TDRD12: variants seen among roughly 807,000 people sequenced by gnomAD.
The protein encoded by TDRD12 is putative ATP-dependent RNA helicase TDRD12.
A neutral mutation model predicts 133.5 loss-of-function variants in TDRD12; 158 were observed. That is an observed-to-expected ratio of 1.18 (90% CI 1.04 to 1.35). The LOEUF (loss-of-function observed/expected upper bound fraction) is 1.35. TDRD12 is among the 40% of genes most tolerant of loss of function. TDRD12 has a pLI of 0.00. For synonymous variants in TDRD12, 460 were observed against 477.9 expected (o/e 0.96, Z 0.49); for missense variants, 1,443 against 1,321.3 (o/e 1.09, Z -1.43).
chr19:32,790,876 A>T, intron 12 of TDRD12, 88 bp from the exon 13 acceptor site: 1 of 1,479,092 alleles, frequency 6.8e-7, no homozygotes, highest in Non-Finnish European at 8.9e-7. Flanking sequence ...ATTGAAATCT[A>T]TATTTTCTTC....
chr19:32,738,408 C>T (rs563287438), intron 2 of TDRD12, among the ~76,000 whole-genome samples: 7 of 152,276 alleles, frequency 4.6e-5, no homozygotes, highest in South Asian at 2.1e-4. Flanking sequence ...TGGGTAGGCC[C>T]GGCCTCCTGG....
Position 32,776,585 on chromosome 19 carries a change from G to GA in TDRD12, c.1041-558dup, listed in dbSNP as rs550478327. On this transcript the variant is annotated intron_variant, in intron 10 of 27. Coordinates refer to ENST00000444215, the Ensembl canonical transcript of TDRD12. ...TGAGGTCAACACAGAGACACAGAGA[G>GA]AAAAAAGACAAGAAAGTCCTGGTGA... Among the ~76,000 whole-genome samples, 155 of 152,326 alleles carry GA rather than the reference G, an allele frequency of 1.0e-3. 1 individual carries two copies. The highest frequency in any genetic ancestry group is 3.7e-3 in the African/African-American group (152 of 41,576).
At chr19:32,798,487 G>C in intron 16 of TDRD12, 52 bp downstream of exon 16, 1 of 1,428,158 alleles carries the variant, frequency 7.0e-7, no homozygotes, top group Non-Finnish European at 9.3e-7. Flanking sequence ...TGATTAACAT[G>C]CTAACTGATG....
At chr19:32,737,479 ACAGGCGTGAAC>A (rs1450927207) in intron 2 of TDRD12, among the ~76,000 whole-genome samples, 19 of 152,284 alleles carry the variant, frequency 1.2e-4, no homozygotes, top group African/African-American at 4.6e-4. Context: ...TGCTGGGACC[ACAGGCGTGAAC>A]CACCATGCCT....
intron 18 of TDRD12, 30 bp from the exon 19 acceptor site, chr19:32,801,726 G>A: frequency 2.2e-6 from 2 of 895,538 alleles, no homozygotes; most frequent in African/African-American, 1.7e-5. Flanking sequence ...ATCCCTGACT[G>A]TGACCTGGCC....
chr19:32,798,190 G>A (rs758968755), intron 15 of TDRD12, 118 bp from the exon 16 acceptor site: 13 of 994,084 alleles, frequency 1.3e-5, no homozygotes, highest in Non-Finnish European at 1.8e-5. Flanking sequence ...GACTAGGACA[G>A]AAACAGTGTT....
At chr19:32,749,036 G>A (rs182263892) in intron 5 of TDRD12, among the ~76,000 whole-genome samples, 38 of 152,342 alleles carry the variant, frequency 2.5e-4, no homozygotes, top group African/African-American at 7.7e-4. Flanking sequence ...CTGGCAGTCA[G>A]ATACCTGGTT....
At chr19:32,803,626 G>C (rs1971462195) in intron 21 of TDRD12, among the ~76,000 whole-genome samples, 1 of 152,154 alleles carries the variant, frequency 6.6e-6, no homozygotes, top group Non-Finnish European at 1.5e-5. Context: ...AGACGCTCCA[G>C]AGGGCAAGTG....
At chr19:32,766,918 T>C (rs1304443978) in intron 8 of TDRD12, among the ~76,000 whole-genome samples, 1 of 151,678 alleles carries the variant, frequency 6.6e-6, no homozygotes, top group Admixed American at 6.6e-5. Flanking sequence ...CCTGGTCAGC[T>C]GTAATTTTTT....
At chr19:32,778,310 G>A (rs1970666796) in intron 11 of TDRD12, among the ~76,000 whole-genome samples, 1 of 151,960 alleles carries the variant, frequency 6.6e-6, no homozygotes. Flanking sequence ...ACAGAGTTGG[G>A]GATGGCTGTT....
At chr19:32,723,274 G>A (rs140182251) in intron 1 of TDRD12, among the ~76,000 whole-genome samples, 3 of 151,022 alleles carry the variant, frequency 2.0e-5, no homozygotes, top group Non-Finnish European at 3.0e-5. Flanking sequence ...TTTTTGAGAC[G>A]GAGTCTTGCT....
At chr19:32,803,174 A>G (rs1296445871) in intron 21 of TDRD12, 32 bp downstream of exon 21, 17 of 1,431,852 alleles carry the variant, frequency 1.2e-5, no homozygotes, top group Admixed American at 4.7e-5. Context: ...TATTAAACTG[A>G]TGTATAACCT....
intron 8 of TDRD12, among the ~76,000 whole-genome samples, chr19:32,765,042 G>T (rs1301526220): frequency 6.6e-6 from 1 of 152,044 alleles, no homozygotes; most frequent in Non-Finnish European, 1.5e-5. Context: ...AAATTTACAA[G>T]AAAAAAACAA....
At chr19:32,820,465 A>G (rs1476443166) in intron 27 of TDRD12, among the ~76,000 whole-genome samples, 1 of 152,214 alleles carries the variant, frequency 6.6e-6, no homozygotes, top group East Asian at 1.9e-4. Context: ...GAACCAAAAG[A>G]ATACTACCAT....
chr19:32,797,264 A>G (rs1353333469), intron 14 of TDRD12, among the ~76,000 whole-genome samples: 1 of 152,260 alleles, frequency 6.6e-6, no homozygotes, highest in East Asian at 1.9e-4. Context: ...TACAGGCGTG[A>G]GCCACTACAC....
intron 24 of TDRD12, 141 bp downstream of exon 24, chr19:32,811,561 G>A (rs1470618651): frequency 5.1e-6 from 4 of 776,850 alleles, no homozygotes; most frequent in East Asian, 5.4e-5. Context: ...CCCACGGTGT[G>A]TGAACGTCCC....
rs753531553 is a variant in TDRD12 at position 32,748,525 on chromosome 19, C to G, written c.490C>G (p.Leu164Val). 2.2e-5 allele frequency: 34 copies of G among 1,551,544 alleles called. No homozygotes were observed. The South Asian group carries it at 3.9e-4, about 18-fold the overall frequency. The change falls in exon 5 of 28, where the codon CTG becomes GTG. Residue 164 changes from leucine to valine, a missense_variant. Physicochemically the swap from Leu to Val is conservative, Grantham distance 32 (BLOSUM62 1). Coordinates refer to ENST00000444215, the Ensembl canonical transcript of TDRD12. The stretch of plus-strand genomic sequence containing the variant: ...AGCTATTCAGTACTTTCAGAACCTT[C>G]TGAAAGGTAAGCCAGTGCCTGATCA...
exon 28 of TDRD12, chr19:32,821,050 A>G (rs1967367149): frequency 1.3e-6 from 2 of 1,535,910 alleles, no homozygotes; most frequent in African/African-American, 2.7e-5. Flanking sequence ...CCAGCAGAAG[A>G]TGCTGCTTGC....
At chr19:32,745,630 GGAGA>G (rs147634708) in intron 4 of TDRD12, among the ~76,000 whole-genome samples, 5 of 151,262 alleles carry the variant, frequency 3.3e-5, no homozygotes, top group Non-Finnish European at 7.4e-5. Context: ...TGTGAAAGAG[GGAGA>G]GAGAGAGAAT....
Sources: gnomAD v4.1 joint callset for allele counts (sites outside exome capture counted in the v4.1 genomes callset) on GRCh38, gnomAD v4.1.1 for gene constraint, MANE v1.5 for transcripts, NCBI Gene and HGNC (gene_info 2026-07-23, HGNC 2026-07-21) for gene names.